The following INTS4 variants were observed in gnomAD, a reference collection of about 807,000 sequenced individuals.
The protein encoded by INTS4 is MSTP093.
A neutral mutation model predicts 119.5 loss-of-function variants in INTS4; 70 were observed. The observed-to-expected ratio is 0.59, with a 90% CI of 0.48 to 0.71. The LOEUF is 0.71. INTS4 is among the 30% of genes least tolerant of loss of function. The probability of loss-of-function intolerance (pLI) is 0.00; values close to 1 mark genes in which losing one functional copy is unlikely to be tolerated. For missense variants in INTS4, 867 were observed against 1,173.2 expected (o/e 0.74, Z 3.81); for synonymous variants, 316 against 419.6 (o/e 0.75, Z 3.02).
intron 2 of INTS4, among the ~76,000 whole-genome samples, chr11:77,986,061 C>G (rs1033660643): frequency 9.9e-5 from 15 of 152,192 alleles, no homozygotes; most frequent in African/African-American, 3.6e-4. Flanking sequence ...TCTGGCATCC[C>G]TCCTCATTTC....
chr11:77,884,727 G>A (rs1336404288), intron 21 of INTS4: 3 of 328,532 alleles, frequency 9.1e-6, no homozygotes, highest in Non-Finnish European at 1.9e-5. Flanking sequence ...TCAGGTCATG[G>A]GGCCTCCCCC....
chr11:77,987,635 G>A (rs1443998629), intron 2 of INTS4: 2 of 451,504 alleles, frequency 4.4e-6, no homozygotes, highest in African/African-American at 2.0e-5. Flanking sequence ...GGAGGGCCAA[G>A]CAGGAGGGTT....
intron 2 of INTS4, among the ~76,000 whole-genome samples, chr11:77,984,642 A>G (rs1436742334): frequency 6.6e-6 from 1 of 152,152 alleles, no homozygotes; most frequent in Non-Finnish European, 1.5e-5. Flanking sequence ...CTGCATAACA[A>G]TATGAATGTA....
Position 77,961,143 on chromosome 11 carries a change from T to C in INTS4, c.472-5A>G. ...ATGAGACGTATCTGTCAGATGCTAT[T>C]AAAAAAAAAAAAAAAAAGAAAAAAA... On this transcript the variant is annotated splice_region_variant and splice_polypyrimidine_tract_variant and intron_variant, in intron 4 of 22. Coordinates refer to ENST00000534064, the MANE Select transcript of INTS4 (RefSeq NM_033547.4). 1.6e-6 allele frequency: 2 copies of C among 1,214,414 alleles called. No homozygotes were observed. Among genetic ancestry groups the C allele is most frequent in the Non-Finnish European group, 2.1e-6 (2 of 966,152 alleles). The allele number at this position is 1,214,414 out of a possible 1,614,324, so 75.2% of individuals were successfully genotyped here. A position where few individuals can be genotyped will look rare whatever the true frequency, so the allele number is the denominator to read the frequency against.
At chr11:77,959,808 A>T (rs1366680793) in intron 6 of INTS4, among the ~76,000 whole-genome samples, 2 of 152,116 alleles carry the variant, frequency 1.3e-5, no homozygotes, top group Non-Finnish European at 2.9e-5. Flanking sequence ...CTTTTACCAG[A>T]TTCAGTCAAT....
chr11:77,916,577 C>G (rs997919707), intron 15 of INTS4, among the ~76,000 whole-genome samples: 2 of 152,218 alleles, frequency 1.3e-5, no homozygotes, highest in Admixed American at 1.3e-4. Context: ...CCTCAAAGCT[C>G]CATTCACTCA....
At chr11:77,907,893 A>G in intron 15 of INTS4, 83 bp from the exon 16 acceptor site, 2 of 830,616 alleles carry the variant, frequency 2.4e-6, no homozygotes, top group Middle Eastern at 2.4e-4. Flanking sequence ...GCATTTTATC[A>G]TTTTATACCT....
intron 10 of INTS4, among the ~76,000 whole-genome samples, chr11:77,931,797 C>A (rs1313346822): frequency 6.6e-6 from 1 of 152,144 alleles, no homozygotes; most frequent in Non-Finnish European, 1.5e-5. Flanking sequence ...ACATCTACAA[C>A]CATCTGATCT....
chr11:77,956,244 A>C (rs890165416), intron 7 of INTS4, among the ~76,000 whole-genome samples, 182 bp from the exon 8 acceptor site: 3 of 152,116 alleles, frequency 2.0e-5, no homozygotes, highest in Non-Finnish European at 4.4e-5. Context: ...CCTCATCTCT[A>C]CAAAAAAAAT....
intron 18 of INTS4, among the ~76,000 whole-genome samples, chr11:77,899,453 C>T (rs1322732884): frequency 6.6e-6 from 1 of 152,028 alleles, no homozygotes; most frequent in Non-Finnish European, 1.5e-5. Flanking sequence ...GGGTGGATCA[C>T]CTGAGTTCAG....
At chr11:77,962,049 A>G (rs1330246662) in intron 4 of INTS4, among the ~76,000 whole-genome samples, 5 of 152,254 alleles carry the variant, frequency 3.3e-5, no homozygotes, top group African/African-American at 1.2e-4. Flanking sequence ...ACAGTAGCTC[A>G]TGCCTATAAT....
At chr11:77,896,652 C>CA (rs58549095) in intron 18 of INTS4, among the ~76,000 whole-genome samples, 1,517 of 70,398 alleles carry the variant, frequency 0.022, 24 homozygotes, top group African/African-American at 0.054. Flanking sequence ...AACTCCGTCT[C>CA]AAAAAAAAAA....
At chr11:77,979,748 G>A (rs1162206838) in intron 3 of INTS4, among the ~76,000 whole-genome samples, 7 of 151,166 alleles carry the variant, frequency 4.6e-5, no homozygotes, top group African/African-American at 1.2e-4. Context: ...GGGAGGCTGA[G>A]GCGGGCAGAT....
Position 77,894,294 on chromosome 11 carries a change from GA to G in INTS4, c.2283del (p.Gln762ArgfsTer27). The G allele has an allele frequency of 2.6e-6, 4 of 1,527,690 alleles. No homozygotes were observed. The highest frequency in any genetic ancestry group is 1.4e-5 in the African/African-American group (1 of 72,808). The allele number at this position is 1,527,690 out of a possible 1,614,324, so 94.6% of individuals were successfully genotyped here. On this transcript the variant is annotated frameshift_variant, in exon 19 of 23. Transcript: ENST00000534064. LOFTEE classifies it high-confidence loss of function. ...GAAGAGTTATAAAATACTTACCTCT[GA>G]AAAAAGTCTACTTCCTGTAAAAATT... is the stretch of plus-strand genomic sequence containing the variant. ...CEKFLQEVDFFQRYFIADLPH... is the reference protein window; with the variant it reads ...CEKFLQEVDFXQRYFIADLPH...
chr11:77,958,673 G>C lies in INTS4; in HGVS notation c.797+73C>G, dbSNP rs1954389404. On this transcript the variant is annotated intron_variant, in intron 7 of 22. Coordinates refer to ENST00000534064, the MANE Select transcript of INTS4 (RefSeq NM_033547.4). ...TAACCAACATTTCTTTTCTAGAAGT[G>C]GGCTTTTTGCATGGTGAGAGGAGAG... 7.2e-6 allele frequency: 6 copies of C among 835,520 alleles called. No homozygotes were observed. The South Asian group carries it at 8.6e-5, about 12-fold the overall frequency. 51.8% of individuals were successfully genotyped at this position (835,520 alleles called of 1,614,324 possible). A position where few individuals can be genotyped will look rare whatever the true frequency, so the allele number is the denominator to read the frequency against.
At chr11:77,889,935 GT>G (rs892968085) in intron 21 of INTS4, among the ~76,000 whole-genome samples, 34 of 152,230 alleles carry the variant, frequency 2.2e-4, no homozygotes, top group South Asian at 1.2e-3. Flanking sequence ...GATCAGTGAA[GT>G]TTTTTTCAGG....
intron 8 of INTS4, among the ~76,000 whole-genome samples, chr11:77,943,867 T>G (rs1220898796): frequency 1.3e-5 from 2 of 152,186 alleles, no homozygotes; most frequent in Admixed American, 1.3e-4. Context: ...TGCAACTAGG[T>G]GATAAGTACA....
At chr11:77,922,637 C>T (rs34924146) in intron 12 of INTS4, 166 bp from the exon 13 acceptor site, 13 of 992,358 alleles carry the variant, frequency 1.3e-5, no homozygotes, top group Admixed American at 2.9e-5. Flanking sequence ...TTCTGGAACT[C>T]GGTTAATTCA....
chr11:77,886,403 T>A (rs1035383141), intron 21 of INTS4, among the ~76,000 whole-genome samples: 2 of 152,166 alleles, frequency 1.3e-5, no homozygotes, highest in Non-Finnish European at 2.9e-5. Flanking sequence ...TACAGTAACC[T>A]AGATTAGGCT....
Sources: allele counts gnomAD v4.1 joint callset (sites outside exome capture counted in the v4.1 genomes callset), GRCh38; gene constraint gnomAD v4.1.1; transcripts MANE v1.5; gene names NCBI Gene and HGNC (gene_info 2026-07-23, HGNC 2026-07-21).